Variants in TOGARAM1 observed in about 807,000 individuals in gnomAD.
The protein encoded by TOGARAM1 is TOG array regulator of axonemal microtubules 1.
TOGARAM1 carries 100 observed loss-of-function variants against 166.6 expected under a neutral mutation model. That is an observed-to-expected ratio of 0.60 (90% CI 0.51 to 0.71). The LOEUF (loss-of-function observed/expected upper bound fraction) is 0.71, where lower values mean the gene tolerates loss of function less well. TOGARAM1 is among the 30% of genes least tolerant of loss of function. The probability of loss-of-function intolerance (pLI) is 0.00; values close to 1 mark genes in which losing one functional copy is unlikely to be tolerated. For missense variants in TOGARAM1, 2,029 were observed against 2,102.7 expected (o/e 0.96, Z 0.69); for synonymous variants, 758 against 763.8 (o/e 0.99, Z 0.13).
At chr14:45,018,445 T>C (rs1303039857) in intron 7 of TOGARAM1, among the ~76,000 whole-genome samples, 1 of 152,182 alleles carries the variant, frequency 6.6e-6, no homozygotes, top group African/African-American at 2.4e-5. Context: ...GGTTTCACCA[T>C]GTTGGCTAGA....
At chr14:45,070,115 G>A (rs1367577330) in intron 18 of TOGARAM1, among the ~76,000 whole-genome samples, 1 of 152,042 alleles carries the variant, frequency 6.6e-6, no homozygotes, top group Non-Finnish European at 1.5e-5. Flanking sequence ...CCGGGAGGTG[G>A]AGCTTGCAGT....
chr14:45,004,475 C>T lies in TOGARAM1; in HGVS notation c.2644+109C>T, dbSNP rs1031910923. ...AGCTAGTAAACTACATTTTATCTGT[C>T]TGAATTTAGTAAATATTTAGGAAAA... On this transcript the variant is annotated intron_variant, in intron 4 of 19. Transcript: ENST00000361462. 4.5e-5 allele frequency: 35 copies of T among 771,228 alleles called. No individual in the cohort carries two copies. In the African/African-American group the frequency reaches 6.1e-4, roughly 14 times the overall value. The allele number at this position is 771,228 out of a possible 1,614,324, so 47.8% of individuals were successfully genotyped here. A position where few individuals can be genotyped will look rare whatever the true frequency, so the allele number is the denominator to read the frequency against.
In TOGARAM1 at chr14:44,966,160, C is replaced by T. The variant is rs924175635; in HGVS notation, c.2046+1693C>T. Among the ~76,000 whole-genome samples the T allele has an allele frequency of 2.0e-5, 3 of 151,660 alleles. No individual in the cohort carries two copies. In the South Asian group the frequency reaches 6.2e-4, roughly 32 times the overall value. On this transcript the variant is annotated intron_variant, in intron 1 of 19. Transcript: ENST00000361462. ...GATTACAGGCGTGAGCCACCATACC[C>T]AGCCCAAATTGTAATTTTTAAATTA...
In TOGARAM1 at chr14:45,002,904, G is replaced by T. The variant is rs939402910; in HGVS notation, c.2339-1157G>T. Among the ~76,000 whole-genome samples the T allele has an allele frequency of 2.6e-5, 4 of 152,226 alleles. No individual in the cohort carries two copies. The South Asian group carries it at 6.2e-4, about 24-fold the overall frequency. ...TGAAGCAGGAGAATGGTGTGAACCC[G>T]GGAGGCAGAGCTTGCAGTGAGCTGA... On this transcript the variant is annotated intron_variant, in intron 3 of 19. Coordinates refer to ENST00000361462, the MANE Select transcript of TOGARAM1 (RefSeq NM_001308120.2).
At position 44,962,340 on chromosome 14, in the gene TOGARAM1, G is replaced by A; in HGVS notation, c.-82G>A. 6.9e-7 allele frequency: 1 copy of A among 1,449,606 alleles called. No homozygotes were observed. Among genetic ancestry groups the A allele is most frequent in the Admixed American group, 2.4e-5 (1 of 41,650 alleles). 89.8% of individuals were successfully genotyped at this position (1,449,606 alleles called of 1,614,324 possible). On this transcript the variant is annotated 5_prime_UTR_variant, in exon 1 of 20. Coordinates refer to ENST00000361462, the MANE Select transcript of TOGARAM1 (RefSeq NM_001308120.2). ...CCTCTTCTGCAGCTTGGGGCTTGGA[G>A]AGGATCTGGAAGTCTGGGCTCCATC...
At chr14:45,035,362 T>TAA (rs879396379) in intron 11 of TOGARAM1, among the ~76,000 whole-genome samples, 1 of 133,450 alleles carries the variant, frequency 7.5e-6, no homozygotes, top group Non-Finnish European at 1.6e-5. Context: ...CTGTCTCAAG[T>TAA]AAAAAAAAAA....
At chr14:45,011,015 A>G (rs1257083402) in intron 6 of TOGARAM1, among the ~76,000 whole-genome samples, 1 of 152,218 alleles carries the variant, frequency 6.6e-6, no homozygotes, top group Non-Finnish European at 1.5e-5. Flanking sequence ...TCTTTGTAAA[A>G]TCTATTCTTT....
intron 16 of TOGARAM1, among the ~76,000 whole-genome samples, chr14:45,058,359 A>G (rs971908081): frequency 6.6e-6 from 1 of 151,626 alleles, no homozygotes; most frequent in African/African-American, 2.4e-5. Flanking sequence ...CAGTGGCACA[A>G]TCTCAGTTCA....
At chr14:45,042,357 A>G (rs893209896) in intron 11 of TOGARAM1, 5 of 152,110 alleles carry the variant, frequency 3.3e-5, no homozygotes, top group Admixed American at 2.6e-4. Flanking sequence ...CTTTATTACC[A>G]AGGGACAGAT....
At chr14:45,072,146 G>A (rs1047666295) in intron 19 of TOGARAM1, among the ~76,000 whole-genome samples, 3 of 152,176 alleles carry the variant, frequency 2.0e-5, no homozygotes, top group Non-Finnish European at 4.4e-5. Context: ...GGTGGTTCAG[G>A]CTCCTGCCTT....
At chr14:45,052,163 T>C (rs1369803166) in intron 14 of TOGARAM1, among the ~76,000 whole-genome samples, 1 of 152,146 alleles carries the variant, frequency 6.6e-6, no homozygotes, top group Non-Finnish European at 1.5e-5. Flanking sequence ...AAAGTCAAAA[T>C]TCAAAGTATG....
chr14:45,054,261 G>C (rs1300031371), intron 15 of TOGARAM1, among the ~76,000 whole-genome samples, 170 bp from the exon 16 acceptor site: 3 of 152,046 alleles, frequency 2.0e-5, no homozygotes, highest in African/African-American at 7.2e-5. Flanking sequence ...TTAATTTACT[G>C]CTAACTACAA....
At position 45,066,744 on chromosome 14, in the gene TOGARAM1, C is replaced by G. The variant is rs553928207; in HGVS notation, c.4726C>G (p.Leu1576Val). Residue 1576 changes from leucine to valine, a missense_variant, in exon 17 of 20, where the codon CTT becomes GTT. Leu to Val is a conservative substitution (Grantham distance 32, BLOSUM62 1). Transcript: ENST00000361462. ...LLSDTENNQDLVVGNIVKIFD... is the reference protein window; with the variant it reads ...LLSDTENNQDVVVGNIVKIFD... Reference sequence around the variant, plus strand: ...ATCAGATACAGAAAATAATCAAGACCTTGTTGTTGGAAACATTGTGAAGGT... The same window carrying G: ...ATCAGATACAGAAAATAATCAAGACGTTGTTGTTGGAAACATTGTGAAGGT... The G allele has an allele frequency of 2.5e-6, 4 of 1,612,344 alleles. No homozygotes were observed. Among genetic ancestry groups the G allele is most frequent in the Non-Finnish European group, 3.4e-6 (4 of 1,178,978 alleles).
rs1883469902 is a variant in TOGARAM1, at chr14:45,073,406, G to A, written c.5167G>A (p.Ala1723Thr). ...GACAAATAGTGGCTCTCTGCCTGGA[G>A]CTGGAGGAAATATACGAACAGCCAC... ...NMTNSGSLPG[A>T]GGNIRTATAK... The change falls in exon 20 of 20, where the codon GCT becomes ACT. Residue 1723 changes from alanine (A) to threonine (T), a missense_variant. Physicochemically the swap from Ala to Thr is moderately conservative, Grantham distance 58 (BLOSUM62 0). This residue lies in a region of TOGARAM1 where 576 missense variants were observed against 670.5 expected (regional missense o/e 0.86). Transcript: ENST00000361462. The A allele has an allele frequency of 6.2e-7, 1 of 1,614,014 alleles. No homozygotes were observed. Among genetic ancestry groups the A allele is most frequent in the Non-Finnish European group, 8.5e-7 (1 of 1,180,032 alleles).
At position 44,995,736 on chromosome 14, in the gene TOGARAM1, G is replaced by C. The variant is rs370598945; in HGVS notation, c.2047-10G>C. 5 of 1,537,666 alleles carry C rather than the reference G, an allele frequency of 3.3e-6. No individual in the cohort carries two copies. The African/African-American group carries it at 4.1e-5, about 13-fold the overall frequency. On this transcript the variant is annotated splice_polypyrimidine_tract_variant and intron_variant, in intron 1 of 19. Coordinates refer to ENST00000361462, the MANE Select transcript of TOGARAM1 (RefSeq NM_001308120.2). The stretch of plus-strand genomic sequence containing the variant: ...CACAAATTTGCTAATTTATGATTCT[G>C]TTCTTATAGTTTTCAACATATGATT...
At chr14:45,071,867 T>A in intron 19 of TOGARAM1, 69 bp downstream of exon 19, 1 of 1,201,278 alleles carries the variant, frequency 8.3e-7, no homozygotes, top group Non-Finnish European at 1.2e-6. Context: ...TGTTTCAATT[T>A]AATTTTAGGA....
chr14:44,981,758 TA>T (rs1886546715), intron 1 of TOGARAM1, among the ~76,000 whole-genome samples: 1 of 152,130 alleles, frequency 6.6e-6, no homozygotes, highest in Non-Finnish European at 1.5e-5. Context: ...ATTTGTTTCC[TA>T]TGCTTTCAGT....
At chr14:45,019,745 G>A (rs145473339) in intron 7 of TOGARAM1, among the ~76,000 whole-genome samples, 35 of 152,306 alleles carry the variant, frequency 2.3e-4, no homozygotes, top group African/African-American at 7.9e-4. Flanking sequence ...GGTGGATGCG[G>A]TCACCTTCCC....
intron 10 of TOGARAM1, among the ~76,000 whole-genome samples, chr14:45,028,992 A>T (rs1881018458): frequency 6.6e-6 from 1 of 152,218 alleles, no homozygotes; most frequent in African/African-American, 2.4e-5. Context: ...AATTTAATAG[A>T]CAATATACTT....
Sources: gnomAD v4.1 joint callset for allele counts (sites outside exome capture counted in the v4.1 genomes callset) on GRCh38, gnomAD v4.1.1 for gene constraint, gnomAD v4.1.1 regional missense constraint, MANE v1.5 for transcripts, NCBI Gene and HGNC (gene_info 2026-07-23, HGNC 2026-07-21) for gene names.